TBC1D1: variants seen among roughly 807,000 people sequenced by gnomAD.
The protein encoded by TBC1D1 is TBC1 domain family member 1.
TBC1D1 carries 89 observed loss-of-function variants against 125.6 expected under a neutral mutation model. The observed-to-expected ratio is 0.71, with a 90% confidence interval of 0.60 to 0.85. The LOEUF is 0.85. Among genes scored for constraint, TBC1D1 ranks in the 40% least tolerant of loss-of-function variants. TBC1D1 has a pLI of 0.00. For synonymous variants in TBC1D1, 565 were observed against 564.1 expected, an observed-to-expected ratio of 1.00 and a Z score of -0.02; for missense variants, 1,377 against 1,469.2, an observed-to-expected ratio of 0.94 and a Z score of 1.03.
At position 38,138,181 on chromosome 4, in the gene TBC1D1, A is replaced by G. The variant is rs1275530034; in HGVS notation, c.*846A>G. The G allele has an allele frequency of 2.0e-5, 3 of 152,206 alleles. No individual in the cohort carries two copies. Among genetic ancestry groups the G allele is most frequent in the African/African-American group, 7.2e-5 (3 of 41,450 alleles). 9.4% of individuals were successfully genotyped at this position (152,206 alleles called of 1,614,324 possible). A position where few individuals can be genotyped will look rare whatever the true frequency, so the allele number is the denominator to read the frequency against. On this transcript the variant is annotated 3_prime_UTR_variant, in exon 20 of 20. Transcript: ENST00000261439. ...ACATTTTTGCTTATCCCATAAGTACAGTTGATCAAAGTCATAGTAGGTAAA... is the reference window on the plus strand; with the variant it reads ...ACATTTTTGCTTATCCCATAAGTACGGTTGATCAAAGTCATAGTAGGTAAA...
At chr4:37,991,987 T>C (rs1042235222) in intron 2 of TBC1D1, among the ~76,000 whole-genome samples, 3 of 152,208 alleles carry the variant, frequency 2.0e-5, no homozygotes, top group Admixed American at 6.5e-5. Context: ...GAAACATGTT[T>C]GGTACAAACG....
In TBC1D1 at chr4:38,089,822, A is replaced by T. The variant is rs1578646600; in HGVS notation, c.2051-110A>T. 2.6e-6 allele frequency: 3 copies of T among 1,138,690 alleles called. No homozygotes were observed. In the East Asian group the frequency reaches 7.6e-5, roughly 29 times the overall value. 70.5% of individuals were successfully genotyped at this position (1,138,690 alleles called of 1,614,324 possible). A position where few individuals can be genotyped will look rare whatever the true frequency, so the allele number is the denominator to read the frequency against. Reference sequence around the variant, plus strand: ...TAACACAGGAATTTTAAATTTGGTGATATTATTATATTTTATCTGAATGAA... The same window carrying T: ...TAACACAGGAATTTTAAATTTGGTGTTATTATTATATTTTATCTGAATGAA... On this transcript the variant is annotated intron_variant, in intron 12 of 19. Transcript: ENST00000261439.
chr4:37,976,419 G>A (rs868853930), intron 2 of TBC1D1, among the ~76,000 whole-genome samples: 1 of 152,272 alleles, frequency 6.6e-6, no homozygotes, highest in South Asian at 2.1e-4. Flanking sequence ...TCAGTTTTGG[G>A]GTAACTTTTT....
At chr4:38,068,034 C>A (rs954184167) in intron 12 of TBC1D1, among the ~76,000 whole-genome samples, 6 of 152,160 alleles carry the variant, frequency 3.9e-5, no homozygotes, top group Non-Finnish European at 8.8e-5. Flanking sequence ...AGAGCTGGCC[C>A]TGGGGCTCAG....
At chr4:38,042,260 T>G (rs1051885375) in intron 8 of TBC1D1, among the ~76,000 whole-genome samples, 2 of 152,096 alleles carry the variant, frequency 1.3e-5, no homozygotes, top group Non-Finnish European at 2.9e-5. Flanking sequence ...TTACATTTTT[T>G]ATTTTTATTT....
intron 19 of TBC1D1, among the ~76,000 whole-genome samples, chr4:38,134,478 G>A (rs886402185): frequency 6.6e-6 from 1 of 152,182 alleles, no homozygotes; most frequent in Non-Finnish European, 1.5e-5. Flanking sequence ...CATCACTCAA[G>A]GGAAGTCTCC....
intron 2 of TBC1D1, among the ~76,000 whole-genome samples, chr4:37,957,081 G>T (rs1184660051): frequency 6.6e-6 from 1 of 152,122 alleles, no homozygotes; most frequent in Non-Finnish European, 1.5e-5. Flanking sequence ...CCCCTTACAG[G>T]AAGGATCAAG....
At chr4:38,127,379 G>A (rs1014202650) in intron 18 of TBC1D1, among the ~76,000 whole-genome samples, 1 of 145,590 alleles carries the variant, frequency 6.9e-6, no homozygotes, top group African/African-American at 2.6e-5. Context: ...TTTTTCCACT[G>A]ACTTTTTTTT....
chr4:38,069,977 A>T (rs540187590), intron 12 of TBC1D1, among the ~76,000 whole-genome samples: 4 of 152,094 alleles, frequency 2.6e-5, no homozygotes, highest in African/African-American at 9.6e-5. Flanking sequence ...AAGATTGGCC[A>T]CCCCTGTCCT....
intron 2 of TBC1D1, among the ~76,000 whole-genome samples, chr4:37,954,592 T>C (rs922827654): frequency 1.2e-4 from 18 of 152,256 alleles, no homozygotes; most frequent in African/African-American, 4.3e-4. Context: ...TTGGAAGTCA[T>C]GTCAAGAATG....
chr4:37,937,869 G>C (rs970343803), intron 2 of TBC1D1, among the ~76,000 whole-genome samples: 1 of 152,146 alleles, frequency 6.6e-6, no homozygotes, highest in Non-Finnish European at 1.5e-5. Flanking sequence ...CTGGCTCTTG[G>C]TGCTGTTTGC....
At chr4:37,975,505 G>T (rs181616061) in intron 2 of TBC1D1, among the ~76,000 whole-genome samples, 1 of 152,114 alleles carries the variant, frequency 6.6e-6, no homozygotes, top group Non-Finnish European at 1.5e-5. Context: ...AAACTCCCCC[G>T]GGGAAAGGGA....
In TBC1D1 at chr4:38,125,136, G is replaced by C. The variant is rs1764433991; in HGVS notation, c.3132+5G>C. ...ATGGAAAAGACCATCAATCAGGTAT[G>C]AGTCAGTCCAAACCTTGCAAATGCT... On this transcript the variant is annotated splice_donor_5th_base_variant and intron_variant, in intron 18 of 19. Transcript: ENST00000261439. 6.2e-7 allele frequency: 1 copy of C among 1,613,716 alleles called. No homozygotes were observed. The highest frequency in any genetic ancestry group is 2.2e-5 in the East Asian group (1 of 44,892).
At chr4:38,055,927 C>T (rs1044430064) in intron 12 of TBC1D1, among the ~76,000 whole-genome samples, 1 of 152,160 alleles carries the variant, frequency 6.6e-6, no homozygotes, top group South Asian at 2.1e-4. Context: ...ACCCAAGTTT[C>T]GGTGTTTAAT....
chr4:37,954,412 T>G (rs1003445700), intron 2 of TBC1D1, among the ~76,000 whole-genome samples: 5 of 152,010 alleles, frequency 3.3e-5, no homozygotes, highest in African/African-American at 1.2e-4. Context: ...AAAAATTGCC[T>G]ACTATGTGCC....
chr4:38,061,682 G>C (rs1191129701), intron 12 of TBC1D1, among the ~76,000 whole-genome samples: 1 of 152,178 alleles, frequency 6.6e-6, no homozygotes, highest in East Asian at 1.9e-4. Context: ...ATGTAGCTAT[G>C]TCAATATGCC....
At chr4:37,902,615 T>A in intron 2 of TBC1D1, 103 bp downstream of exon 2, 4 of 932,442 alleles carry the variant, frequency 4.3e-6, no homozygotes, top group Non-Finnish European at 6.2e-6. Flanking sequence ...AATAAGGAAT[T>A]AATGCTGCAG....
intron 19 of TBC1D1, among the ~76,000 whole-genome samples, chr4:38,133,792 C>G (rs1766003412): frequency 6.6e-6 from 1 of 152,160 alleles, no homozygotes; most frequent in Non-Finnish European, 1.5e-5. Context: ...CGGATATACT[C>G]AGGTGAGGAC....
intron 2 of TBC1D1, among the ~76,000 whole-genome samples, chr4:37,959,601 A>T (rs1340135230): frequency 6.6e-6 from 1 of 152,218 alleles, no homozygotes. Flanking sequence ...ACGTACGCAC[A>T]TATGTCACTG....
Sources: allele counts gnomAD v4.1 joint callset (sites outside exome capture counted in the v4.1 genomes callset), GRCh38; gene constraint gnomAD v4.1.1; transcripts MANE v1.5; gene names NCBI Gene and HGNC (gene_info 2026-07-23, HGNC 2026-07-21).